POLR3K: variants seen among roughly 807,000 people sequenced by gnomAD.
POLR3K encodes the protein RNA polymerase III subunit K, also known as DNA-directed RNA polymerase III subunit RPC10.
In POLR3K, 11 loss-of-function variants were observed where a neutral mutation model predicts 13.5. The observed-to-expected ratio is 0.81, with a 90% CI of 0.51 to 1.35. POLR3K has a LOEUF of 1.35. Among genes scored for constraint, POLR3K ranks in the 40% most tolerant of loss-of-function variants. The probability of loss-of-function intolerance (pLI) is 0.00; values close to 1 mark genes in which losing one functional copy is unlikely to be tolerated. For synonymous variants in POLR3K, 56 were observed against 51.5 expected, an observed-to-expected ratio of 1.09 and a Z score of -0.38; for missense variants, 144 against 145.3, an observed-to-expected ratio of 0.99 and a Z score of 0.05.
intron 1 of POLR3K, among the ~76,000 whole-genome samples, chr16:52,837 T>C (rs1016169112): frequency 2.8e-5 from 4 of 144,318 alleles, no homozygotes; most frequent in Non-Finnish European, 6.1e-5. Flanking sequence ...CATTACATAA[T>C]ATATTAGAAG....
At chr16:52,789 AAAAAAACAAT>A (rs1897352082) in intron 1 of POLR3K, among the ~76,000 whole-genome samples, 4 of 26,166 alleles carry the variant, frequency 1.5e-4, no homozygotes, top group Admixed American at 1.1e-3. Flanking sequence ...AAAAAAAAAA[AAAAAAACAAT>A]AAAAAAAAAT....
chr16:53,307 T>C, intron 1 of POLR3K, 169 bp downstream of exon 1: 1 of 1,292,004 alleles, frequency 7.7e-7, no homozygotes, highest in Non-Finnish European at 1.0e-6. Context: ...GGTGGGGCTT[T>C]CTGAGTGTAT....
chr16:53,403 A>T lies in POLR3K; in HGVS notation c.111+73T>A, dbSNP rs1897361250. ...GAGGCAGACGCCGGGGCTGGCGGCG[A>T]TGGAGCAGCAGTCGGAGGACGCGGA... On this transcript the variant is annotated intron_variant, in intron 1 of 2. Transcript: ENST00000293860. The T allele has an allele frequency of 1.4e-5, 21 of 1,511,862 alleles. No homozygotes were observed. In the South Asian group the frequency reaches 2.7e-4, roughly 19 times the overall value. 93.7% of individuals were successfully genotyped at this position (1,511,862 alleles called of 1,614,324 possible).
intron 2 of POLR3K, 126 bp from the exon 3 acceptor site, chr16:47,683 A>C: frequency 1.1e-6 from 1 of 924,938 alleles, no homozygotes; most frequent in Non-Finnish European, 1.5e-6. Context: ...GGAGTTCGAG[A>C]CCATCCTGGC....
intron 2 of POLR3K, among the ~76,000 whole-genome samples, chr16:49,916 G>A (rs991759288): frequency 6.6e-6 from 1 of 152,008 alleles, no homozygotes; most frequent in Non-Finnish European, 1.5e-5. Flanking sequence ...GGGATTATAG[G>A]TGTGAGCCAC....
intron 2 of POLR3K, among the ~76,000 whole-genome samples, chr16:48,460 G>A (rs1044755686): frequency 2.0e-5 from 3 of 152,178 alleles, no homozygotes; most frequent in Non-Finnish European, 4.4e-5. Flanking sequence ...ACTAAGTAAT[G>A]GTTAGATGGT....
chr16:48,555 T>C (rs1897303408), intron 2 of POLR3K, among the ~76,000 whole-genome samples: 1 of 152,156 alleles, frequency 6.6e-6, no homozygotes, highest in African/African-American at 2.4e-5. Context: ...CTCACGCCTG[T>C]AATCCCAGGA....
chr16:52,795 A>AAAAAAAC (rs1301989386), intron 1 of POLR3K, among the ~76,000 whole-genome samples: 5 of 26,840 alleles, frequency 1.9e-4, no homozygotes, highest in African/African-American at 6.4e-4. Flanking sequence ...AAAAAAAAAA[A>AAAAAAAC]CAATAAAAAA....
chr16:52,800 A>T lies in POLR3K; in HGVS notation c.111+676T>A, dbSNP rs989018804. Among the ~76,000 whole-genome samples, 11 of 142,402 alleles carry T rather than the reference A, an allele frequency of 7.7e-5. No homozygotes were observed. In the South Asian group the frequency reaches 1.3e-3, roughly 17 times the overall value. 93.4% of individuals were successfully genotyped at this position (142,402 alleles called of 152,430 possible). ...AAAAAAAAAAAAAAAAAAAAACAAT[A>T]AAAAAAAATAAAGAAAGCACACAAT... On this transcript the variant is annotated intron_variant, in intron 1 of 2. Transcript: ENST00000293860.
intron 2 of POLR3K, among the ~76,000 whole-genome samples, chr16:49,873 C>G (rs575136555): frequency 6.6e-6 from 1 of 152,226 alleles, no homozygotes; most frequent in East Asian, 1.9e-4. Context: ...GTCTTGACCT[C>G]GTGATCCGCC....
chr16:53,304 C>T, intron 1 of POLR3K, 172 bp downstream of exon 1: 1 of 1,277,208 alleles, frequency 7.8e-7, no homozygotes, highest in South Asian at 1.7e-5. Context: ...AACGGTGGGG[C>T]TTTCTGAGTG....
chr16:47,356 C>G lies in POLR3K; in HGVS notation c.*74G>C, dbSNP rs1897292553. 6.5e-7 allele frequency: 1 copy of G among 1,550,230 alleles called. No individual in the cohort carries two copies. The highest frequency in any genetic ancestry group is 1.4e-5 in the African/African-American group (1 of 73,276). ...TAGCAAAGACCCTCAGGACACACAA[C>G]TCATACTGCCAGCTAAGCATCTACC... is the stretch of plus-strand genomic sequence containing the variant. On this transcript the variant is annotated 3_prime_UTR_variant, in exon 3 of 3. Coordinates refer to ENST00000293860, the MANE Select transcript of POLR3K (RefSeq NM_016310.5).
intron 1 of POLR3K, among the ~76,000 whole-genome samples, chr16:52,762 T>A: frequency 1.5e-5 from 1 of 66,406 alleles, no homozygotes; most frequent in Non-Finnish European, 2.9e-5. Flanking sequence ...CGGGACTCCG[T>A]CTCAAAAAAA....
intron 2 of POLR3K, among the ~76,000 whole-genome samples, chr16:50,806 G>T (rs916589648): frequency 1.3e-5 from 2 of 152,222 alleles, no homozygotes; most frequent in East Asian, 3.8e-4. Flanking sequence ...TTACAGGCGT[G>T]AGCCACGACA....
chr16:53,330 C>A, intron 1 of POLR3K, 146 bp downstream of exon 1: 1 of 1,386,770 alleles, frequency 7.2e-7, no homozygotes, highest in Non-Finnish European at 9.4e-7. Flanking sequence ...GAAAGTAGAG[C>A]CCACAGATCT....
chr16:47,589 T>TA, intron 2 of POLR3K, 32 bp from the exon 3 acceptor site: 3 of 1,603,322 alleles, frequency 1.9e-6, no homozygotes, highest in Non-Finnish European at 8.5e-7. Context: ...TGACCACATT[T>TA]AAAAAAAGAT....
chr16:53,296 CG>C lies in POLR3K; in HGVS notation c.111+179del, dbSNP rs1372442467. On this transcript the variant is annotated intron_variant, in intron 1 of 2. Coordinates refer to ENST00000293860, the MANE Select transcript of POLR3K (RefSeq NM_016310.5). ...AGCAGGAACCCAAGGCGGTGGGAAA[CG>C]GTGGGGCTTTCTGAGTGTATTGGAA... 9.7e-6 allele frequency: 12 copies of C among 1,232,580 alleles called. No homozygotes were observed. The Admixed American group carries it at 3.9e-4, about 40-fold the overall frequency. 76.4% of individuals were successfully genotyped at this position (1,232,580 alleles called of 1,614,324 possible).
At chr16:52,790 A>AAAAAAAAAAAAAAAAAT (rs1897352183) in intron 1 of POLR3K, among the ~76,000 whole-genome samples, 1 of 26,194 alleles carries the variant, frequency 3.8e-5, no homozygotes, top group African/African-American at 1.3e-4. Context: ...AAAAAAAAAA[A>AAAAAAAAAAAAAAAAAT]AAAAACAATA....
At position 53,524 on chromosome 16, in the gene POLR3K, GT is replaced by G; in HGVS notation, c.62del (p.His21ProfsTer18). Reference protein sequence around the residue: ...GLIVEEGQRCHRFACNTCPYV... With the variant: ...GLIVEEGQRCXRFACNTCPYV... ...AGGGGCACGTGTTGCAGGCGAAGCGGTGGCAGCGTTGTCCCTCCTCCACGAT... is the reference window on the plus strand; with the variant it reads ...AGGGGCACGTGTTGCAGGCGAAGCGGGGCAGCGTTGTCCCTCCTCCACGAT... On this transcript the variant is annotated frameshift_variant, in exon 1 of 3. Coordinates refer to ENST00000293860, the MANE Select transcript of POLR3K (RefSeq NM_016310.5). LOFTEE classifies it high-confidence loss of function. 1 of 1,613,254 alleles carries G rather than the reference GT, an allele frequency of 6.2e-7. No individual in the cohort carries two copies. The highest frequency in any genetic ancestry group is 8.5e-7 in the Non-Finnish European group (1 of 1,179,766).
Sources: allele counts gnomAD v4.1 joint callset (sites outside exome capture counted in the v4.1 genomes callset), GRCh38; gene constraint gnomAD v4.1.1; transcripts MANE v1.5; gene names NCBI Gene and HGNC (gene_info 2026-07-23, HGNC 2026-07-21).